DBT: variants seen among roughly 807,000 people sequenced by gnomAD.
The protein encoded by DBT is dihydrolipoamide branched chain transacylase E2.
In DBT, 40 loss-of-function variants were observed where a neutral mutation model predicts 51.3. That is an observed-to-expected ratio of 0.78 (90% confidence interval 0.61 to 1.02). DBT has a LOEUF of 1.02. DBT is among the 50% of genes least tolerant of loss of function. DBT has a pLI of 0.00. For missense variants in DBT, 510 were observed against 580.2 expected (o/e 0.88, Z 1.24); for synonymous variants, 181 against 190.4 (o/e 0.95, Z 0.41).
chr1:100,219,762 C>A (rs1282220710), intron 4 of DBT, among the ~76,000 whole-genome samples: 1 of 152,066 alleles, frequency 6.6e-6, no homozygotes, highest in Admixed American at 6.5e-5. Flanking sequence ...AAAAACCGCA[C>A]AAGAATCATA....
intron 4 of DBT, among the ~76,000 whole-genome samples, chr1:100,220,730 A>G (rs1416581918): frequency 1.3e-5 from 2 of 152,252 alleles, no homozygotes; most frequent in African/African-American, 4.8e-5. Context: ...TCAAGGTGAG[A>G]CACCTAATAA....
chr1:100,224,777 G>A (rs1663069870), intron 4 of DBT, among the ~76,000 whole-genome samples: 1 of 151,858 alleles, frequency 6.6e-6, no homozygotes. Flanking sequence ...AGCACTTTGG[G>A]AGGCCGAGGT....
At chr1:100,225,373 C>T (rs1489283221) in intron 4 of DBT, among the ~76,000 whole-genome samples, 2 of 151,874 alleles carry the variant, frequency 1.3e-5, no homozygotes, top group Non-Finnish European at 2.9e-5. Context: ...AGCATAATTT[C>T]TTTAAGATTT....
chr1:100,214,163 TA>T (rs1191003661), intron 7 of DBT, among the ~76,000 whole-genome samples: 1 of 152,046 alleles, frequency 6.6e-6, no homozygotes, highest in African/African-American at 2.4e-5. Context: ...TAAATGAAAA[TA>T]AATATTAAAT....
At chr1:100,237,603 G>T (rs1182195530) in intron 2 of DBT, among the ~76,000 whole-genome samples, 1 of 152,206 alleles carries the variant, frequency 6.6e-6, no homozygotes, top group Non-Finnish European at 1.5e-5. Flanking sequence ...GAAGCAGGAG[G>T]CTACTTCAGG....
chr1:100,206,330 TATTAAAAGTTA>T, intron 9 of DBT, 29 bp from the exon 10 acceptor site: 31 of 1,539,216 alleles, frequency 2.0e-5, no homozygotes, highest in Non-Finnish European at 2.8e-5. Flanking sequence ...AAAAGGAGAG[TATTAAAAGTTA>T]AGATTTTTCA....
rs982323045 is a variant in DBT at position 100,206,295 on chromosome 1, C to A, written c.1216G>T (p.Gly406Cys). The change falls in exon 10 of 11, where the codon GGT becomes TGT. Residue 406 changes from glycine to cysteine, a missense_variant. Physicochemically the swap from Gly to Cys is radical, Grantham distance 159. Transcript: ENST00000370132. The stretch of plus-strand genomic sequence containing the variant: ...ATTATCACTGGTTTGGCAAAGGTAC[C>A]ACCAATCTATTTTTTAAAAAAAAAA... Reference protein sequence around the residue: ...FTLSNIGSIGGTFAKPVIMPP... With the variant: ...FTLSNIGSIGCTFAKPVIMPP... The A allele has an allele frequency of 1.2e-6, 2 of 1,609,154 alleles. No individual in the cohort carries two copies. Among genetic ancestry groups the A allele is most frequent in the African/African-American group, 2.7e-5 (2 of 74,000 alleles).
chr1:100,249,181 T>C (rs1023373654), intron 1 of DBT: 23 of 769,466 alleles, frequency 3.0e-5, no homozygotes, highest in Middle Eastern at 1.3e-3. Context: ...GTGCTAAGAC[T>C]GGGAGAAAGA....
rs1216190577 is a variant in DBT, at chr1:100,187,682, G to C, written c.*8573C>G. 1.3e-5 allele frequency: 2 copies of C among 151,546 alleles called. No homozygotes were observed. Among genetic ancestry groups the C allele is most frequent in the African/African-American group, 4.9e-5 (2 of 41,182 alleles). The allele number at this position is 151,546 out of a possible 1,614,324, so 9.4% of individuals were successfully genotyped here. A position where few individuals can be genotyped will look rare whatever the true frequency, so the allele number is the denominator to read the frequency against. ...TGGGACCACAGGCGTGCACCACCAG[G>C]CCTGGCTAACTTTTTGTATTTTTTT... On this transcript the variant is annotated 3_prime_UTR_variant, in exon 11 of 11. Coordinates refer to ENST00000370132, the MANE Select transcript of DBT (RefSeq NM_001918.5).
chr1:100,226,529 C>T (rs1663226827), intron 4 of DBT, among the ~76,000 whole-genome samples: 1 of 152,090 alleles, frequency 6.6e-6, no homozygotes, highest in South Asian at 2.1e-4. Context: ...AAGTGATTCT[C>T]CCACCTTAGC....
In DBT at chr1:100,203,456, T is replaced by C. The variant is rs183296477; in HGVS notation, c.1281+2774A>G. 9.9e-4 allele frequency among the ~76,000 whole-genome samples: 151 copies of C among 152,308 alleles called. 3 individuals carry two copies. In the East Asian group the frequency reaches 0.026, roughly 26 times the overall value. On this transcript the variant is annotated intron_variant, in intron 10 of 10. Transcript: ENST00000370132. ...CAAGTTCTGAAACTGAGGTAGTAAT[T>C]AATAGCCTACCAACCAAACAAAGCC...
intron 3 of DBT, among the ~76,000 whole-genome samples, chr1:100,234,067 T>C (rs1222040943): frequency 1.3e-5 from 2 of 152,210 alleles, no homozygotes; most frequent in Non-Finnish European, 2.9e-5. Flanking sequence ...GAAGTTACTA[T>C]TTATTCCTAA....
intron 3 of DBT, among the ~76,000 whole-genome samples, chr1:100,234,083 T>G (rs1030987968): frequency 2.6e-5 from 4 of 152,128 alleles, no homozygotes; most frequent in Non-Finnish European, 4.4e-5. Flanking sequence ...CCTAATTAAA[T>G]GAGGAAGAAA....
At chr1:100,219,781 A>G (rs1159871514) in intron 4 of DBT, among the ~76,000 whole-genome samples, 1 of 152,176 alleles carries the variant, frequency 6.6e-6, no homozygotes, top group Non-Finnish European at 1.5e-5. Flanking sequence ...TATAAAATCT[A>G]TGAAAATCTT....
At chr1:100,242,605 ATAACT>A (rs1247201711) in intron 1 of DBT, among the ~76,000 whole-genome samples, 1 of 152,200 alleles carries the variant, frequency 6.6e-6, no homozygotes, top group Non-Finnish European at 1.5e-5. Context: ...ATTAAAATTG[ATAACT>A]TAAAACCAGA....
At chr1:100,230,640 A>AG in intron 4 of DBT, 93 bp downstream of exon 4, 1 of 809,930 alleles carries the variant, frequency 1.2e-6, no homozygotes, top group Non-Finnish European at 1.9e-6. Flanking sequence ...AAAAAAAAAA[A>AG]ACAAAAAAAC....
intron 10 of DBT, among the ~76,000 whole-genome samples, chr1:100,199,771 G>A (rs1040543854): frequency 6.6e-6 from 1 of 152,132 alleles, no homozygotes. Flanking sequence ...ATGGGGCGTC[G>A]CCTCACCTGG....
At chr1:100,215,596 G>T (rs1427591482) in intron 6 of DBT, among the ~76,000 whole-genome samples, 1 of 152,098 alleles carries the variant, frequency 6.6e-6, no homozygotes, top group African/African-American at 2.4e-5. Flanking sequence ...TGAGGAGGGT[G>T]GATCACCTGA....
intron 10 of DBT, chr1:100,196,904 G>C (rs746828625): frequency 1.5e-5 from 3 of 198,462 alleles, no homozygotes; most frequent in Admixed American, 5.0e-5. Context: ...ATTAAAGCTA[G>C]TAAGCACCAC....
Sources: gnomAD v4.1 joint callset for allele counts (sites outside exome capture counted in the v4.1 genomes callset) on GRCh38, gnomAD v4.1.1 for gene constraint, MANE v1.5 for transcripts, NCBI Gene and HGNC (gene_info 2026-07-23, HGNC 2026-07-21) for gene names.